PEG3: variants seen among roughly 807,000 people sequenced by gnomAD.
PEG3 encodes paternally-expressed gene 3 protein.
In PEG3, 23 loss-of-function variants were observed where a neutral mutation model predicts 35.5. The ratio of observed to expected loss-of-function variants is 0.65; its 90% CI spans 0.47 to 0.92. The LOEUF is 0.92. PEG3 is among the 40% of genes least tolerant of loss of function. The pLI, the probability that PEG3 is intolerant of heterozygous loss-of-function variation, is 0.00. For missense variants in PEG3, 1,960 were observed against 1,985.3 expected (o/e 0.99, Z 0.24); for synonymous variants, 707 against 697.0 (o/e 1.01, Z -0.23).
At position 56,816,803 on chromosome 19, in the gene PEG3, T is replaced by C; in HGVS notation, c.1639A>G (p.Ser547Gly). ...TTCTGAAGCTCACTAAAGGTGGGGC[T>C]AGGCATGAAGGCTTCCTCACATTCC... ...NQECEEAFMP[S>G]PTFSELQKIY... Residue 547 changes from serine (S) to glycine (G), a missense_variant, in exon 10 of 10, where the codon AGC becomes GGC. Physicochemically the swap from Ser to Gly is moderately conservative, Grantham distance 56 (BLOSUM62 0). This residue lies in a region of PEG3 where 798 missense variants were observed against 782.4 expected (regional missense o/e 1.02). Transcript: ENST00000326441. The C allele has an allele frequency of 6.2e-7, 1 of 1,614,170 alleles. No homozygotes were observed. The highest frequency in any genetic ancestry group is 8.5e-7 in the Non-Finnish European group (1 of 1,180,014).
At position 56,813,391 on chromosome 19, in the gene PEG3, G is replaced by T; in HGVS notation, c.*284C>A. 8.2e-7 allele frequency: 1 copy of T among 1,214,628 alleles called. No homozygotes were observed. The highest frequency in any genetic ancestry group is 2.8e-5 in the South Asian group (1 of 35,360). The allele number at this position is 1,214,628 out of a possible 1,614,324, so 75.2% of individuals were successfully genotyped here. On this transcript the variant is annotated 3_prime_UTR_variant, in exon 10 of 10. Transcript: ENST00000326441. ...ACAGTTGATTTGGGCAAACTCTGTA[G>T]TCTGGAATACTCATAGGGTTTTCTC...
In PEG3 at chr19:56,813,281, A is replaced by C; in HGVS notation, c.*394T>G. 1 of 938,606 alleles carries C rather than the reference A, an allele frequency of 1.1e-6. No individual in the cohort carries two copies. The allele number at this position is 938,606 out of a possible 1,614,324, so 58.1% of individuals were successfully genotyped here. A position where few individuals can be genotyped will look rare whatever the true frequency, so the allele number is the denominator to read the frequency against. On this transcript the variant is annotated 3_prime_UTR_variant, in exon 10 of 10. Coordinates refer to ENST00000326441, the MANE Select transcript of PEG3 (RefSeq NM_006210.3). ...GTAACTGTATATCATATAAATCCAA[A>C]TATATGTGATCACTGTTCTGTCATA...
At chr19:56,838,406 G>A (rs886365463) in intron 1 of PEG3, among the ~76,000 whole-genome samples, 1 of 152,312 alleles carries the variant, frequency 6.6e-6, no homozygotes, top group South Asian at 2.1e-4. Flanking sequence ...GTGAGGGGCA[G>A]TGGAGGTGAG....
chr19:56,821,346 A>C (rs2060467853), intron 7 of PEG3, among the ~76,000 whole-genome samples: 1 of 152,136 alleles, frequency 6.6e-6, no homozygotes, highest in South Asian at 2.1e-4. Flanking sequence ...GAGGACCAGA[A>C]ACATCTCCAG....
In PEG3 at chr19:56,821,767, A is replaced by C. The variant is rs1435079644; in HGVS notation, c.566-13T>G. ...CGCGGAGGCATCCCTGGGAAGAAAA[A>C]AGGCATCAACAAGAAGCAGGGCCCA... is the stretch of plus-strand genomic sequence containing the variant. On this transcript the variant is annotated splice_polypyrimidine_tract_variant and intron_variant, in intron 6 of 9. Coordinates refer to ENST00000326441, the MANE Select transcript of PEG3 (RefSeq NM_006210.3). 2.5e-6 allele frequency: 4 copies of C among 1,613,398 alleles called. No homozygotes were observed. Among genetic ancestry groups the C allele is most frequent in the Non-Finnish European group, 3.4e-6 (4 of 1,179,994 alleles).
chr19:56,831,202 T>A (rs1259523401), intron 2 of PEG3, among the ~76,000 whole-genome samples: 2 of 152,146 alleles, frequency 1.3e-5, no homozygotes, highest in Non-Finnish European at 2.9e-5. Flanking sequence ...TTTTCCAATA[T>A]AAGGATATAA....
At chr19:56,833,581 G>C in intron 2 of PEG3, 1 of 183,612 alleles carries the variant, frequency 5.4e-6, no homozygotes, top group East Asian at 1.5e-4. Context: ...TTCTAGGGCA[G>C]TGGTTCTCAA....
Position 56,814,234 on chromosome 19 carries a change from T to G in PEG3, c.4208A>C (p.Glu1403Ala). ...EAAEPEVEAA[E>A]PEVEAAEPEV... ...TGGCTCAGCAGCCTCCACTTCTGGC[T>G]CGGCAGCCTCCACTTCTGGCTCAGC... The change falls in exon 10 of 10, where the codon GAG becomes GCG. Residue 1403 changes from glutamate to alanine, a missense_variant. This residue lies in a region of PEG3 where 416 missense variants were observed against 416.7 expected (regional missense o/e 1.00). Coordinates refer to ENST00000326441, the MANE Select transcript of PEG3 (RefSeq NM_006210.3). The surrounding 1 kb of genome is among the most constrained non-coding windows in gnomAD (Gnocchi z 5.8). The G allele has an allele frequency of 6.2e-7, 1 of 1,612,946 alleles. No individual in the cohort carries two copies. Among genetic ancestry groups the G allele is most frequent in the Non-Finnish European group, 8.5e-7 (1 of 1,179,492 alleles).
At chr19:56,821,862 C>A in intron 6 of PEG3, 108 bp from the exon 7 acceptor site, 3 of 1,184,756 alleles carry the variant, frequency 2.5e-6, no homozygotes, top group South Asian at 1.3e-5. Flanking sequence ...TGTATGAGAG[C>A]AAGTGCCTTT....
chr19:56,823,594 G>C lies in PEG3; in HGVS notation c.480C>G (p.Phe160Leu). ...ESSPPHSVHS[F>L]SDRDWDRRGR... Reference sequence around the variant, plus strand: ...CCAGTGGGGATGGGTACTCACCACTGAAAGAATGGACTGAGTGAGGTGGTG... The same window carrying C: ...CCAGTGGGGATGGGTACTCACCACTCAAAGAATGGACTGAGTGAGGTGGTG... Residue 160 changes from phenylalanine (F) to leucine (L), a missense_variant and splice_region_variant, in exon 5 of 10, where the codon TTC (phenylalanine) becomes TTG (leucine). By Grantham distance (22) the Phe-to-Leu change is conservative. This residue lies in a region of PEG3 where 613 missense variants were observed against 577.1 expected (regional missense o/e 1.06). Coordinates refer to ENST00000326441, the MANE Select transcript of PEG3 (RefSeq NM_006210.3). 6.2e-7 allele frequency: 1 copy of C among 1,614,144 alleles called. No homozygotes were observed.
chr19:56,824,686 C>G lies in PEG3; in HGVS notation c.-31G>C. On this transcript the variant is annotated 5_prime_UTR_variant, in exon 4 of 10. Coordinates refer to ENST00000326441, the MANE Select transcript of PEG3 (RefSeq NM_006210.3). Reference sequence around the variant, plus strand: ...TAAGTAAAATTTTCACTGGAGGAACCAAACATGAGTCAACAGGAAAGACGC... The same window carrying G: ...TAAGTAAAATTTTCACTGGAGGAACGAAACATGAGTCAACAGGAAAGACGC... The G allele has an allele frequency of 6.4e-7, 1 of 1,572,746 alleles. No homozygotes were observed. Among genetic ancestry groups the G allele is most frequent in the Non-Finnish European group, 8.6e-7 (1 of 1,157,646 alleles).
chr19:56,813,375 T>C lies in PEG3; in HGVS notation c.*300A>G. The C allele has an allele frequency of 2.6e-6, 3 of 1,173,878 alleles. No homozygotes were observed. The highest frequency in any genetic ancestry group is 3.2e-6 in the Non-Finnish European group (3 of 947,746). 72.7% of individuals were successfully genotyped at this position (1,173,878 alleles called of 1,614,324 possible). On this transcript the variant is annotated 3_prime_UTR_variant, in exon 10 of 10. Transcript: ENST00000326441. ...TACACAAGTGTCATTTACAGTTGAT[T>C]TGGGCAAACTCTGTAGTCTGGAATA...
chr19:56,825,757 A>G (rs2060964001), intron 3 of PEG3, among the ~76,000 whole-genome samples: 1 of 152,240 alleles, frequency 6.6e-6, no homozygotes, highest in Admixed American at 6.5e-5. Context: ...AAAAAAAACC[A>G]TATGCAACAG....
intron 2 of PEG3, among the ~76,000 whole-genome samples, chr19:56,830,038 C>T (rs1408560338): frequency 2.6e-5 from 4 of 152,132 alleles, no homozygotes; most frequent in Admixed American, 2.0e-4. Context: ...CTGAGGATGG[C>T]CTAAACGGGC....
At position 56,824,676 on chromosome 19, in the gene PEG3, C is replaced by A; in HGVS notation, c.-21G>T. ...AGCATTTCTCTAAGTAAAATTTTCA[C>A]TGGAGGAACCAAACATGAGTCAACA... On this transcript the variant is annotated 5_prime_UTR_variant, in exon 4 of 10. Transcript: ENST00000326441. 6.3e-7 allele frequency: 1 copy of A among 1,581,562 alleles called. No homozygotes were observed. The highest frequency in any genetic ancestry group is 1.8e-5 in the Admixed American group (1 of 55,896).
intron 2 of PEG3, among the ~76,000 whole-genome samples, chr19:56,829,043 G>GA (rs1250305718): frequency 2.0e-5 from 3 of 151,836 alleles, no homozygotes; most frequent in Admixed American, 6.6e-5. Flanking sequence ...ATGATAATAA[G>GA]AAAAAAAAGC....
intron 7 of PEG3, 144 bp downstream of exon 7, chr19:56,821,507 G>C: frequency 1.1e-6 from 1 of 944,328 alleles, no homozygotes. Flanking sequence ...CCTAAGGGAT[G>C]GGCCCGGGCT....
intron 2 of PEG3, among the ~76,000 whole-genome samples, chr19:56,832,756 G>A (rs576965085): frequency 3.9e-5 from 6 of 152,234 alleles, no homozygotes; most frequent in African/African-American, 9.6e-5. Flanking sequence ...GGAGTCTGGC[G>A]TTCTTTGATC....
chr19:56,810,114 T>G lies in PEG3; in HGVS notation c.*3561A>C, dbSNP rs912235282. On this transcript the variant is annotated 3_prime_UTR_variant, in exon 10 of 10. Transcript: ENST00000326441. Reference sequence around the variant, plus strand: ...TTAACTTTATTTTTATTGTTGACACTATTACAGATAGAATGACCACAACCA... The same window carrying G: ...TTAACTTTATTTTTATTGTTGACACGATTACAGATAGAATGACCACAACCA... 5.3e-6 allele frequency: 5 copies of G among 946,910 alleles called. No homozygotes were observed. In the East Asian group the frequency reaches 5.8e-4, roughly 109 times the overall value. 58.7% of individuals were successfully genotyped at this position (946,910 alleles called of 1,614,324 possible). A position where few individuals can be genotyped will look rare whatever the true frequency, so the allele number is the denominator to read the frequency against.
Sources: gnomAD v4.1 joint callset for allele counts (sites outside exome capture counted in the v4.1 genomes callset) on GRCh38, gnomAD v4.1.1 for gene constraint, gnomAD v4.1.1 regional missense constraint, Gnocchi (gnomAD v3.1) non-coding constraint, MANE v1.5 for transcripts, NCBI Gene and HGNC (gene_info 2026-07-23, HGNC 2026-07-21) for gene names.